PCDHA8: variants seen among roughly 807,000 people sequenced by gnomAD.
PCDHA8 encodes the protein protocadherin alpha 8, also known as protocadherin alpha-8.
In PCDHA8, 53 loss-of-function variants were observed where a neutral mutation model predicts 61.8. The ratio of observed to expected loss-of-function variants is 0.86; its 90% CI spans 0.69 to 1.08. The LOEUF is 1.08. Ranked by LOEUF, PCDHA8 falls within the 50% of genes least tolerant of loss-of-function variation. The pLI is 0.00. For synonymous variants in PCDHA8, 618 were observed against 556.6 expected, an observed-to-expected ratio of 1.11 and a Z score of -1.55; for missense variants, 1,293 against 1,245.0, an observed-to-expected ratio of 1.04 and a Z score of -0.58.
At chr5:140,991,843 T>G (rs2097475576) in intron 3 of PCDHA8, among the ~76,000 whole-genome samples, 1 of 152,194 alleles carries the variant, frequency 6.6e-6, no homozygotes, top group Admixed American at 6.6e-5. Context: ...GAACCGCACT[T>G]CCAGATACCA....
Position 140,898,798 on chromosome 5 carries a change from G to A in PCDHA8, c.2394+55083G>A, listed in dbSNP as rs1441416892. On this transcript the variant is annotated intron_variant, in intron 1 of 3. Coordinates refer to ENST00000531613, the MANE Select transcript of PCDHA8 (RefSeq NM_018911.3). The stretch of plus-strand genomic sequence containing the variant: ...CCTTGGGCAGTATGGCCATTTTCAC[G>A]ATACTGATTCTTCCTACCCATGAGC... Among the ~76,000 whole-genome samples the A allele has an allele frequency of 2.6e-4, 39 of 152,120 alleles. 1 individual carries two copies. Among genetic ancestry groups the A allele is most frequent in the African/African-American group, 7.2e-5 (3 of 41,414 alleles).
At chr5:140,969,069 T>C in intron 1 of PCDHA8, 1 of 1,614,160 alleles carries the variant, frequency 6.2e-7, no homozygotes, top group Non-Finnish European at 8.5e-7. Context: ...GATGCCAGGA[T>C]ACCGCATGGC....
chr5:140,967,324 G>A, intron 1 of PCDHA8: 4 of 1,609,186 alleles, frequency 2.5e-6, no homozygotes, highest in Non-Finnish European at 3.4e-6. Context: ...AGACCTACGA[G>A]CTCAGCCCCA....
At chr5:140,929,268 A>G (rs1303371377) in intron 1 of PCDHA8, 1 of 1,611,476 alleles carries the variant, frequency 6.2e-7, no homozygotes, top group Non-Finnish European at 8.5e-7. Flanking sequence ...TGAATTTGCC[A>G]ATATCCTGTA....
chr5:140,847,058 A>C (rs1780836064), intron 1 of PCDHA8, among the ~76,000 whole-genome samples: 1 of 149,958 alleles, frequency 6.7e-6, no homozygotes, highest in Non-Finnish European at 1.5e-5. Context: ...AGACACAGAA[A>C]GCATCAATAT....
At position 140,849,901 on chromosome 5, in the gene PCDHA8, C is replaced by T. The variant is rs1554143464; in HGVS notation, c.2394+6186C>T. On this transcript the variant is annotated intron_variant, in intron 1 of 3. Coordinates refer to ENST00000531613, the MANE Select transcript of PCDHA8 (RefSeq NM_018911.3). ...ACGGTGTTCGTGAAGGAGAACAACC[C>T]GCCGGGCTGCCACATCTTCACGGTG... 8.1e-6 allele frequency: 13 copies of T among 1,598,462 alleles called. 2 individuals are homozygous for T. The highest frequency in any genetic ancestry group is 1.1e-5 in the South Asian group (1 of 90,542).
Position 141,009,969 on chromosome 5 carries a change from GT to G in PCDHA8, c.*37del, listed in dbSNP as rs2098415622. On this transcript the variant is annotated 3_prime_UTR_variant, in exon 4 of 4. Coordinates refer to ENST00000531613, the MANE Select transcript of PCDHA8 (RefSeq NM_018911.3). ...CAAATGGAAACAAGCCACTTAGCCA[GT>G]TTTTGTAATAATGGCAAATCTCTCC... 6.3e-7 allele frequency: 1 copy of G among 1,586,478 alleles called. No homozygotes were observed. The highest frequency in any genetic ancestry group is 1.8e-5 in the Admixed American group (1 of 54,174).
chr5:140,891,877 T>A (rs2063293050), intron 1 of PCDHA8, among the ~76,000 whole-genome samples: 1 of 152,218 alleles, frequency 6.6e-6, no homozygotes, highest in East Asian at 1.9e-4. Flanking sequence ...TTTGGCTCTG[T>A]CATGTGACGA....
chr5:140,956,522 C>T (rs1043265748), intron 1 of PCDHA8, among the ~76,000 whole-genome samples: 14 of 152,116 alleles, frequency 9.2e-5, no homozygotes, highest in Non-Finnish European at 1.9e-4. Flanking sequence ...GGTGAATAAG[C>T]TTTTTGATGT....
At chr5:140,885,482 G>A (rs1174553739) in intron 1 of PCDHA8, among the ~76,000 whole-genome samples, 1 of 152,150 alleles carries the variant, frequency 6.6e-6, no homozygotes, top group Non-Finnish European at 1.5e-5. Context: ...TTTGTGTCAA[G>A]TGTTCTGTTA....
At chr5:140,863,247 C>A (rs782167324) in intron 1 of PCDHA8, 18 of 1,379,648 alleles carry the variant, frequency 1.3e-5, no homozygotes, top group Non-Finnish European at 1.6e-5. Context: ...CTTTGGCGGG[C>A]GTCGAGGTCC....
rs200850648 is a variant in PCDHA8, at chr5:140,842,182, T to C, written c.861T>C (p.Thr287=). 3.0e-4 allele frequency: 478 copies of C among 1,613,232 alleles called. 6 individuals carry two copies. Among genetic ancestry groups the C allele is most frequent in the African/African-American group, 2.2e-3 (164 of 74,868 alleles). ...ATTCTTTTAATAGCCTTGTTGAAAC[T>C]ATGGTTATTGACCACTTTAGCATAG... is the stretch of plus-strand genomic sequence containing the variant. ...ISYSFNSLVE[T]MVIDHFSIDR... Residue 287 remains threonine, a synonymous_variant, in exon 1 of 4, where the codon ACT becomes ACC. Coordinates refer to ENST00000531613, the MANE Select transcript of PCDHA8 (RefSeq NM_018911.3).
At chr5:140,867,774 G>A (rs937544863) in intron 1 of PCDHA8, 2 of 151,934 alleles carry the variant, frequency 1.3e-5, no homozygotes, top group African/African-American at 4.8e-5. Flanking sequence ...ACTCTCATAA[G>A]CAATTCCTGT....
intron 3 of PCDHA8, among the ~76,000 whole-genome samples, chr5:140,984,534 G>C (rs1261585417): frequency 6.6e-6 from 1 of 152,136 alleles, no homozygotes; most frequent in Non-Finnish European, 1.5e-5. Context: ...TTCATGGACT[G>C]TGCTGGATAG....
At chr5:140,937,927 A>AT (rs201742095) in intron 1 of PCDHA8, among the ~76,000 whole-genome samples, 1 of 149,222 alleles carries the variant, frequency 6.7e-6, no homozygotes, top group Non-Finnish European at 1.5e-5. Flanking sequence ...AAAAAAAAAA[A>AT]GTTTAATTTG....
intron 3 of PCDHA8, among the ~76,000 whole-genome samples, chr5:140,996,311 G>T (rs191577867): frequency 2.6e-5 from 4 of 152,184 alleles, no homozygotes; most frequent in African/African-American, 7.2e-5. Context: ...ACAAAGTAAG[G>T]GGGGAGGGTA....
At chr5:140,883,773 G>T (rs1362933627) in intron 1 of PCDHA8, 4 of 1,612,256 alleles carry the variant, frequency 2.5e-6, no homozygotes, top group Admixed American at 1.7e-5. Flanking sequence ...GTGGGCGAGC[G>T]TGCGCTGTCG....
At chr5:140,874,386 G>A (rs2054873500) in intron 1 of PCDHA8, among the ~76,000 whole-genome samples, 1 of 152,082 alleles carries the variant, frequency 6.6e-6, no homozygotes. Context: ...GTCTTTTGAT[G>A]CCCCCTTGCA....
At chr5:140,971,117 G>A (rs868931936) in intron 1 of PCDHA8, among the ~76,000 whole-genome samples, 1 of 152,162 alleles carries the variant, frequency 6.6e-6, no homozygotes, top group Admixed American at 6.5e-5. Flanking sequence ...ATTGGGGTGG[G>A]CTACAGGTGG....
Sources: gnomAD v4.1 joint callset for allele counts (sites outside exome capture counted in the v4.1 genomes callset) on GRCh38, gnomAD v4.1.1 for gene constraint, MANE v1.5 for transcripts, NCBI Gene and HGNC (gene_info 2026-07-23, HGNC 2026-07-21) for gene names.